Variants in SPOCD1 observed in about 807,000 individuals in gnomAD.
SPOCD1 encodes SPOC domain-containing protein 1.
In SPOCD1, 64 loss-of-function variants were observed where a neutral mutation model predicts 92.2. The ratio of observed to expected loss-of-function variants is 0.69; its 90% confidence interval spans 0.57 to 0.86. SPOCD1 has a LOEUF of 0.86. SPOCD1 is among the 40% of genes least tolerant of loss of function. The pLI is 0.00. For missense variants in SPOCD1, 1,360 were observed against 1,543.1 expected (o/e 0.88, Z 1.99); for synonymous variants, 578 against 619.3 (o/e 0.93, Z 0.99).
At chr1:31,804,939 A>T (rs1421391210) in intron 2 of SPOCD1, among the ~76,000 whole-genome samples, 6 of 149,372 alleles carry the variant, frequency 4.0e-5, no homozygotes, top group South Asian at 2.1e-4. Flanking sequence ...TTATACTTTG[A>T]TAAGTTAGTT....
intron 10 of SPOCD1, 173 bp downstream of exon 10, chr1:31,796,417 T>C: frequency 9.7e-7 from 1 of 1,031,346 alleles, no homozygotes; most frequent in East Asian, 2.6e-5. Flanking sequence ...CCAGCAGCAC[T>C]GTCCCACCCC....
Position 31,800,504 on chromosome 1 carries a change from G to A in SPOCD1, c.1539C>T (p.Pro513=), listed in dbSNP as rs767579641. 5 of 1,612,504 alleles carry A rather than the reference G, an allele frequency of 3.1e-6. No individual in the cohort carries two copies. The Admixed American group carries it at 6.7e-5, about 22-fold the overall frequency. The change falls in exon 4 of 16, where the codon CCC becomes CCT. Residue 513 remains proline, a synonymous_variant. Transcript: ENST00000360482. ...VLEDLMEVSS[P]SPAQRLRRKK... ...TCCTTCTGAGCCTCTGGGCAGGTGA[G>A]GGTGAGCTGACCTCCATCAAGTCCT...
intron 2 of SPOCD1, among the ~76,000 whole-genome samples, chr1:31,804,417 C>T (rs1648674441): frequency 6.6e-6 from 1 of 152,150 alleles, no homozygotes; most frequent in Admixed American, 6.5e-5. Flanking sequence ...TACCTTTCAT[C>T]TATAAAGGAA....
In SPOCD1 at chr1:31,798,531, C is replaced by A. The variant is rs1648193208; in HGVS notation, c.1939G>T (p.Ala647Ser). 1 of 1,613,810 alleles carries A rather than the reference C, an allele frequency of 6.2e-7. No homozygotes were observed. The highest frequency in any genetic ancestry group is 1.1e-5 in the South Asian group (1 of 91,090). The change falls in exon 8 of 16, where the codon GCC (alanine) becomes TCC (serine). Residue 647 changes from alanine (A) to serine (S), a missense_variant. Physicochemically the swap from Ala to Ser is moderately conservative, Grantham distance 99 (BLOSUM62 1). Around this residue, in one of 3 missense-constraint regions of SPOCD1, gnomAD observed 614 missense variants for 757.8 expected, o/e 0.81. Transcript: ENST00000360482. The surrounding 1 kb of genome is among the most constrained non-coding windows in gnomAD (Gnocchi z 4.1). The stretch of plus-strand genomic sequence containing the variant: ...GTGCCTTGTGTCAGGTCCCAGAGGG[C>A]TGCCTCAATGCCAGCAGCAATGCCC... ...VEGIAAGIEAALWDLTQGTNG... is the reference protein window; with the variant it reads ...VEGIAAGIEASLWDLTQGTNG...
chr1:31,800,704 C>T, intron 3 of SPOCD1, 87 bp from the exon 4 acceptor site: 1 of 1,179,864 alleles, frequency 8.5e-7, no homozygotes. Context: ...AATTGTTGAA[C>T]ATCTCTCTCC....
In SPOCD1 at chr1:31,791,623, C is replaced by T. The variant is rs928541415; in HGVS notation, c.2963-332G>A. On this transcript the variant is annotated intron_variant, in intron 15 of 15. Coordinates refer to ENST00000360482, the MANE Select transcript of SPOCD1 (RefSeq NM_144569.7). Reference sequence around the variant, plus strand: ...TCCTGAGCCACGCCGTGGAGGGTGTCCATGCACAGAGGCCGAGCTCGGCCC... The same window carrying T: ...TCCTGAGCCACGCCGTGGAGGGTGTTCATGCACAGAGGCCGAGCTCGGCCC... Among the ~76,000 whole-genome samples, 17 of 152,348 alleles carry T rather than the reference C, an allele frequency of 1.1e-4. No homozygotes were observed. In the South Asian group the frequency reaches 3.5e-3, roughly 32 times the overall value.
At position 31,800,037 on chromosome 1, in the gene SPOCD1, G is replaced by C; in HGVS notation, c.1707C>G (p.Ser569Arg). Residue 569 changes from serine (S) to arginine (R), a missense_variant, in exon 5 of 16, where the codon AGC becomes AGG. Physicochemically the swap from Ser to Arg is moderately radical, Grantham distance 110 (BLOSUM62 -1). Transcript: ENST00000360482. ...RSGSLALGDP[S>R]SDPACSQSGP... ...TTGCCTGGGAACATGCAGGGTCCGA[G>C]CTGGGGTCGCCAAGGGCCAGGGAAC... The C allele has an allele frequency of 6.2e-7, 1 of 1,611,660 alleles. No homozygotes were observed. The highest frequency in any genetic ancestry group is 8.5e-7 in the Non-Finnish European group (1 of 1,179,044).
In SPOCD1 at chr1:31,814,102, C is replaced by A; in HGVS notation, c.1232G>T (p.Gly411Val). The A allele has an allele frequency of 6.2e-7, 1 of 1,612,134 alleles. No homozygotes were observed. The highest frequency in any genetic ancestry group is 8.5e-7 in the Non-Finnish European group (1 of 1,178,656). ...LDTEASRACS[G>V]PFMEQRRSKG... ...GGATCTTCTCTGCTCCATGAATGGGCCTGAGCAGGCCCTGCTGGCTTCAGT... is the reference window on the plus strand; with the variant it reads ...GGATCTTCTCTGCTCCATGAATGGGACTGAGCAGGCCCTGCTGGCTTCAGT... Residue 411 changes from glycine to valine, a missense_variant, in exon 2 of 16, where the codon GGC becomes GTC. Around this residue, in one of 3 missense-constraint regions of SPOCD1, gnomAD observed 606 missense variants for 601.5 expected, o/e 1.01. Transcript: ENST00000360482. The surrounding 1 kb of genome is among the most constrained non-coding windows in gnomAD (Gnocchi z 4.2).
chr1:31,815,803 A>G (rs12737935), intron 1 of SPOCD1, 158 bp downstream of exon 1: 14,802 of 154,490 alleles, frequency 0.096, 958 homozygotes, highest in South Asian at 0.33. Context: ...CACACTGCGC[A>G]AGGAGCAGAT....
chr1:31,808,272 T>C (rs1282548705), intron 2 of SPOCD1, among the ~76,000 whole-genome samples: 1 of 151,730 alleles, frequency 6.6e-6, no homozygotes, highest in African/African-American at 2.4e-5. Context: ...ACGAAAAAGA[T>C]ATAGCATTAC....
At chr1:31,810,276 C>T (rs1258739604) in intron 2 of SPOCD1, among the ~76,000 whole-genome samples, 4 of 151,820 alleles carry the variant, frequency 2.6e-5, no homozygotes, top group East Asian at 1.9e-4. Context: ...CACTTACTCG[C>T]GATGTGGCCT....
intron 2 of SPOCD1, among the ~76,000 whole-genome samples, chr1:31,805,780 T>C (rs898975291): frequency 3.3e-5 from 5 of 151,822 alleles, no homozygotes; most frequent in African/African-American, 4.8e-5. Flanking sequence ...TCAGTAACTA[T>C]AACAAATGTA....
intron 7 of SPOCD1, among the ~76,000 whole-genome samples, chr1:31,799,065 A>C (rs1648239798): frequency 6.6e-6 from 1 of 152,086 alleles, no homozygotes; most frequent in Non-Finnish European, 1.5e-5. Context: ...TGGTCTCCCC[A>C]TCAGCAAATG....
intron 4 of SPOCD1, 35 bp from the exon 5 acceptor site, chr1:31,800,176 A>T (rs760582525): frequency 3.1e-5 from 48 of 1,554,940 alleles, no homozygotes; most frequent in Non-Finnish European, 4.1e-5. Context: ...ATTGGCCGGA[A>T]ATGGAGGCCA....
intron 10 of SPOCD1, chr1:31,795,033 C>G (rs905945283): frequency 6.6e-6 from 1 of 152,208 alleles, no homozygotes; most frequent in Non-Finnish European, 1.5e-5. Context: ...TTCACTATTA[C>G]TAAATAGCAC....
chr1:31,806,407 G>A (rs192518926), intron 2 of SPOCD1, among the ~76,000 whole-genome samples: 2 of 152,282 alleles, frequency 1.3e-5, no homozygotes, highest in Admixed American at 1.3e-4. Flanking sequence ...TTTTAGATCA[G>A]CACTGCCCAA....
intron 15 of SPOCD1, among the ~76,000 whole-genome samples, chr1:31,791,496 A>G (rs544812889): frequency 6.6e-6 from 1 of 152,308 alleles, no homozygotes; most frequent in Non-Finnish European, 1.5e-5. Flanking sequence ...TGAAGACTCT[A>G]CAGACTCAAA....
chr1:31,798,925 G>A lies in SPOCD1; in HGVS notation c.1869-324C>T, dbSNP rs1284815124. The A allele has an allele frequency of 8.9e-6, 5 of 561,246 alleles. No individual in the cohort carries two copies. The highest frequency in any genetic ancestry group is 1.3e-5 in the Non-Finnish European group (4 of 318,896). The allele number at this position is 561,246 out of a possible 1,614,324, so 34.8% of individuals were successfully genotyped here. On this transcript the variant is annotated intron_variant, in intron 7 of 15. Coordinates refer to ENST00000360482, the MANE Select transcript of SPOCD1 (RefSeq NM_144569.7). The surrounding 1 kb of genome is among the most constrained non-coding windows in gnomAD (Gnocchi z 4.1). ...CCGTCTCTGGCTCACGGGATGTGTG[G>A]AGGGGAGGAAGCCGGGGTCAGGTCA...
rs1369221572 is a variant in SPOCD1, at chr1:31,790,440, C to A, written c.*163G>T. 2.8e-6 allele frequency: 2 copies of A among 708,482 alleles called. No individual in the cohort carries two copies. Among genetic ancestry groups the A allele is most frequent in the Non-Finnish European group, 2.3e-6 (1 of 427,670 alleles). The allele number at this position is 708,482 out of a possible 1,614,324, so 43.9% of individuals were successfully genotyped here. On this transcript the variant is annotated 3_prime_UTR_variant, in exon 16 of 16. Coordinates refer to ENST00000360482, the MANE Select transcript of SPOCD1 (RefSeq NM_144569.7). ...GATGCAATCCCAATTTTACCAAATT[C>A]TTTATTGAACAAAAAATCAACAGCA... is the stretch of plus-strand genomic sequence containing the variant.
Sources: gnomAD v4.1 joint callset for allele counts (sites outside exome capture counted in the v4.1 genomes callset) on GRCh38, gnomAD v4.1.1 for gene constraint, gnomAD v4.1.1 regional missense constraint, Gnocchi (gnomAD v3.1) non-coding constraint, MANE v1.5 for transcripts, NCBI Gene and HGNC (gene_info 2026-07-23, HGNC 2026-07-21) for gene names.